Variants in JPH4 observed in about 807,000 individuals in gnomAD.
JPH4 encodes junctophilin 4.
Under a neutral mutation model 57.6 loss-of-function variants are expected in JPH4, and 18 were observed. The observed-to-expected ratio is 0.31, with a 90% CI of 0.22 to 0.46. JPH4 has a LOEUF of 0.46. Ranked by LOEUF, JPH4 falls within the 20% of genes least tolerant of loss-of-function variation. The probability of loss-of-function intolerance (pLI) is 1.00; values close to 1 mark genes in which losing one functional copy is unlikely to be tolerated. For synonymous variants in JPH4, 425 were observed against 406.6 expected (o/e 1.05, Z -0.54); for missense variants, 727 against 911.1 (o/e 0.80, Z 2.60).
rs775051519 is a variant in JPH4 at position 23,575,717 on chromosome 14, A to G, written c.1119T>C (p.Ala373=). ...CGGCGATCTCCTGGCGCTGACGGGC[A>G]GCACTCACGGCTCGACGGGCGCCCT... The part of the protein sequence containing the change: ...AVEGARRAVS[A]ARQRQEIAAA... Residue 373 remains alanine (A), a synonymous_variant, in exon 3 of 6, where the codon GCT becomes GCC. Coordinates refer to ENST00000356300, the MANE Select transcript of JPH4 (RefSeq NM_001146028.2). This position sits in a 1 kb window ranked among gnomAD's most constrained non-coding sequence, Gnocchi z 6.9. 1.3e-5 allele frequency: 21 copies of G among 1,606,768 alleles called. No individual in the cohort carries two copies. The highest frequency in any genetic ancestry group is 4.0e-5 in the African/African-American group (3 of 74,694).
At position 23,568,070 on chromosome 14, in the gene JPH4, T is replaced by G. The variant is rs1888845203; in HGVS notation, c.*1564A>C. 1 of 983,558 alleles carries G rather than the reference T, an allele frequency of 1.0e-6. No homozygotes were observed. The allele number at this position is 983,558 out of a possible 1,614,324, so 60.9% of individuals were successfully genotyped here. ...AACTTTTTTATTAATATATTTTTTT[T>G]GTTAAATTTCTTTGTATTTTTTTCC... On this transcript the variant is annotated 3_prime_UTR_variant, in exon 6 of 6. Coordinates refer to ENST00000356300, the MANE Select transcript of JPH4 (RefSeq NM_001146028.2).
chr14:23,576,662 A>G lies in JPH4; in HGVS notation c.380-206T>C, dbSNP rs939875732. ...GAGAGCAGAGTGAAGACGGGCAGGT[A>G]GCAGGAGCCCTACGTGGATTTTGGC... On this transcript the variant is annotated intron_variant, in intron 2 of 5. Transcript: ENST00000356300. This position sits in a 1 kb window ranked among gnomAD's most constrained non-coding sequence, Gnocchi z 8.0. Among the ~76,000 whole-genome samples the G allele has an allele frequency of 6.6e-6, 1 of 152,156 alleles. No homozygotes were observed. The highest frequency in any genetic ancestry group is 1.5e-5 in the Non-Finnish European group (1 of 68,022).
Position 23,568,473 on chromosome 14 carries a change from C to T in JPH4, c.*1161G>A. On this transcript the variant is annotated 3_prime_UTR_variant, in exon 6 of 6. Coordinates refer to ENST00000356300, the MANE Select transcript of JPH4 (RefSeq NM_001146028.2). ...TGTCACCCGGGTTTGACTCCCACCT[C>T]TGCCCTGCCTGGGAAGCATGTGAGA... 1.0e-6 allele frequency: 1 copy of T among 985,786 alleles called. No homozygotes were observed. The highest frequency in any genetic ancestry group is 1.2e-6 in the Non-Finnish European group (1 of 829,974). The allele number at this position is 985,786 out of a possible 1,614,324, so 61.1% of individuals were successfully genotyped here. A position where few individuals can be genotyped will look rare whatever the true frequency, so the allele number is the denominator to read the frequency against.
At position 23,576,524 on chromosome 14, in the gene JPH4, C is replaced by T. The variant is rs775690627; in HGVS notation, c.380-68G>A. 8.7e-5 allele frequency: 112 copies of T among 1,287,862 alleles called. No homozygotes were observed. The highest frequency in any genetic ancestry group is 1.1e-4 in the Non-Finnish European group (108 of 1,006,750). The allele number at this position is 1,287,862 out of a possible 1,614,324, so 79.8% of individuals were successfully genotyped here. A position where few individuals can be genotyped will look rare whatever the true frequency, so the allele number is the denominator to read the frequency against. On this transcript the variant is annotated intron_variant, in intron 2 of 5. Coordinates refer to ENST00000356300, the MANE Select transcript of JPH4 (RefSeq NM_001146028.2). The surrounding 1 kb of genome is among the most constrained non-coding windows in gnomAD (Gnocchi z 8.0). ...GCTGGGCTCCTTGCGCCCCAAGTCCCAAGCGCCCCTGGAAGCCCAAGCGTC... is the reference window on the plus strand; with the variant it reads ...GCTGGGCTCCTTGCGCCCCAAGTCCTAAGCGCCCCTGGAAGCCCAAGCGTC...
At position 23,577,482 on chromosome 14, in the gene JPH4, C is replaced by T. The variant is rs1345861905; in HGVS notation, c.-29G>A. 7.2e-7 allele frequency: 1 copy of T among 1,390,910 alleles called. No homozygotes were observed. Among genetic ancestry groups the T allele is most frequent in the Non-Finnish European group, 9.3e-7 (1 of 1,076,764 alleles). The allele number at this position is 1,390,910 out of a possible 1,614,324, so 86.2% of individuals were successfully genotyped here. On this transcript the variant is annotated 5_prime_UTR_variant, in exon 2 of 6. Transcript: ENST00000356300. The surrounding 1 kb of genome is among the most constrained non-coding windows in gnomAD (Gnocchi z 8.4). Reference sequence around the variant, plus strand: ...TGTAGTTGGCGCGGCCTCAGCCCCCCGGCGGCTCAGCGCATCCTGGGACTG... The same window carrying T: ...TGTAGTTGGCGCGGCCTCAGCCCCCTGGCGGCTCAGCGCATCCTGGGACTG...
Position 23,575,903 on chromosome 14 carries a change from G to A in JPH4, c.933C>T (p.Gly311=), listed in dbSNP as rs774093597. 3.2e-6 allele frequency: 5 copies of A among 1,573,476 alleles called. No individual in the cohort carries two copies. The East Asian group carries it at 1.1e-4, about 36-fold the overall frequency. The change falls in exon 3 of 6, where the codon GGC becomes GGT. Residue 311 remains glycine (G), a synonymous_variant. Transcript: ENST00000356300. The surrounding 1 kb of genome is among the most constrained non-coding windows in gnomAD (Gnocchi z 6.9). The stretch of plus-strand genomic sequence containing the variant: ...TGCGCCCGTAGCCGTGCCGCCGGTT[G>A]CCCAGCCACTCGCCCTCGTAGCGCA... ...NGLRYEGEWL[G]NRRHGYGRTT... is the part of the protein sequence containing the mutation.
chr14:23,569,862 G>T lies in JPH4; in HGVS notation c.1804-145C>A. 1.7e-6 allele frequency: 1 copy of T among 605,728 alleles called. No homozygotes were observed. 37.5% of individuals were successfully genotyped at this position (605,728 alleles called of 1,614,324 possible). A position where few individuals can be genotyped will look rare whatever the true frequency, so the allele number is the denominator to read the frequency against. ...GGATCGCCAACATTTGTTTTGGATT[G>T]CAAAACCCCCTCTTCTCCCAGGCAG... On this transcript the variant is annotated intron_variant, in intron 5 of 5. Transcript: ENST00000356300. The surrounding 1 kb of genome is among the most constrained non-coding windows in gnomAD (Gnocchi z 4.8).
In JPH4 at chr14:23,576,365, C is replaced by T. The variant is rs1595396035; in HGVS notation, c.471G>A (p.Ser157=). 24 of 1,338,604 alleles carry T rather than the reference C, an allele frequency of 1.8e-5. 1 individual carries two copies. The East Asian group carries it at 7.1e-4, about 40-fold the overall frequency. The allele number at this position is 1,338,604 out of a possible 1,614,324, so 82.9% of individuals were successfully genotyped here. A position where few individuals can be genotyped will look rare whatever the true frequency, so the allele number is the denominator to read the frequency against. Residue 157 remains serine, a synonymous_variant, in exon 3 of 6, where the codon TCG becomes TCA. Transcript: ENST00000356300. The surrounding 1 kb of genome is among the most constrained non-coding windows in gnomAD (Gnocchi z 8.0). ...CGGAATCCAGGGAGGTGCGGCGGGG[C>T]GAGCGCAGCAGCGCCGCCTGATGGT... ...VPYHQAALLR[S]PRRTSLDSGH... is the part of the protein sequence containing the mutation.
At chr14:23,574,227 T>C (rs1381571694) in intron 3 of JPH4, among the ~76,000 whole-genome samples, 3 of 151,406 alleles carry the variant, frequency 2.0e-5, no homozygotes, top group Non-Finnish European at 2.9e-5. Flanking sequence ...CAGGCTAGAG[T>C]GCAGTGGCGT....
In JPH4 at chr14:23,577,067, C is replaced by G; in HGVS notation, c.379+8G>C. ...AGCAGACAGACACTGGTGGGCCGGG[C>G]CCCGCACCTCCGTCGGAGTAGGTCT... On this transcript the variant is annotated splice_region_variant and intron_variant, in intron 2 of 5. Coordinates refer to ENST00000356300, the MANE Select transcript of JPH4 (RefSeq NM_001146028.2). The surrounding 1 kb of genome is among the most constrained non-coding windows in gnomAD (Gnocchi z 8.4). The G allele has an allele frequency of 6.6e-7, 1 of 1,516,126 alleles. No homozygotes were observed. The highest frequency in any genetic ancestry group is 1.7e-4 in the Middle Eastern group (1 of 5,756). The allele number at this position is 1,516,126 out of a possible 1,614,324, so 93.9% of individuals were successfully genotyped here. A position where few individuals can be genotyped will look rare whatever the true frequency, so the allele number is the denominator to read the frequency against.
rs572663157 is a variant in JPH4, at chr14:23,569,800, G to A, written c.1804-83C>T. ...CCCTGACTGAGGTGGCAGAGCTGAA[G>A]GGTCTCAGGCACCTCCCTGCACAGC... On this transcript the variant is annotated intron_variant, in intron 5 of 5. Coordinates refer to ENST00000356300, the MANE Select transcript of JPH4 (RefSeq NM_001146028.2). The surrounding 1 kb of genome is among the most constrained non-coding windows in gnomAD (Gnocchi z 4.8). The A allele has an allele frequency of 1.4e-5, 12 of 887,544 alleles. No homozygotes were observed. The African/African-American group carries it at 2.0e-4, about 15-fold the overall frequency. 55.0% of individuals were successfully genotyped at this position (887,544 alleles called of 1,614,324 possible).
At position 23,571,574 on chromosome 14, in the gene JPH4, C is replaced by G; in HGVS notation, c.1271-114G>C. 5 of 1,306,220 alleles carry G rather than the reference C, an allele frequency of 3.8e-6. No individual in the cohort carries two copies. The highest frequency in any genetic ancestry group is 5.3e-6 in the Non-Finnish European group (5 of 950,740). The allele number at this position is 1,306,220 out of a possible 1,614,324, so 80.9% of individuals were successfully genotyped here. ...GACTTTGGAATTCCCAGGCTCATAGCCTCTCACCGCCAGACCCCAAACCCC... is the reference window on the plus strand; with the variant it reads ...GACTTTGGAATTCCCAGGCTCATAGGCTCTCACCGCCAGACCCCAAACCCC... On this transcript the variant is annotated intron_variant, in intron 4 of 5. Transcript: ENST00000356300. The surrounding 1 kb of genome is among the most constrained non-coding windows in gnomAD (Gnocchi z 4.6).
In JPH4 at chr14:23,577,025, G is replaced by A. The variant is rs946281479; in HGVS notation, c.379+50C>T. On this transcript the variant is annotated intron_variant, in intron 2 of 5. Coordinates refer to ENST00000356300, the MANE Select transcript of JPH4 (RefSeq NM_001146028.2). This position sits in a 1 kb window ranked among gnomAD's most constrained non-coding sequence, Gnocchi z 8.4. The stretch of plus-strand genomic sequence containing the variant: ...TGGCGGGCGAAGGCCCAAGGCTGGG[G>A]AAGGCGCACGCGGACGAGCAGACAG... The A allele has an allele frequency of 1.4e-6, 2 of 1,447,462 alleles. No homozygotes were observed. Among genetic ancestry groups the A allele is most frequent in the Admixed American group, 2.5e-5 (1 of 40,018 alleles). The allele number at this position is 1,447,462 out of a possible 1,614,324, so 89.7% of individuals were successfully genotyped here. A position where few individuals can be genotyped will look rare whatever the true frequency, so the allele number is the denominator to read the frequency against.
Position 23,571,119 on chromosome 14 carries a change from T to C in JPH4, c.1612A>G (p.Ser538Gly). Residue 538 changes from serine (S) to glycine (G), a missense_variant, in exon 5 of 6, where the codon AGT becomes GGT. Ser to Gly is a moderately conservative substitution (Grantham distance 56, BLOSUM62 0). This residue lies in a region of JPH4 where 293 missense variants were observed against 279.8 expected (regional missense o/e 1.05). Transcript: ENST00000356300. This position sits in a 1 kb window ranked among gnomAD's most constrained non-coding sequence, Gnocchi z 4.6. ...TCCTCCTCTCGAAGACTTCCTGAAC[T>C]GTCGCTGCAGCCTCCGAGGAGTGGG... is the stretch of plus-strand genomic sequence containing the variant. ...GSPLLGGCSD[S>G]SGSLREEEGE... is the part of the protein sequence containing the mutation. 6.2e-7 allele frequency: 1 copy of C among 1,614,102 alleles called. No homozygotes were observed. The highest frequency in any genetic ancestry group is 8.5e-7 in the Non-Finnish European group (1 of 1,179,976).
chr14:23,568,620 G>A lies in JPH4; in HGVS notation c.*1014C>T. 1 of 985,904 alleles carries A rather than the reference G, an allele frequency of 1.0e-6. No homozygotes were observed. The highest frequency in any genetic ancestry group is 1.2e-6 in the Non-Finnish European group (1 of 829,954). The allele number at this position is 985,904 out of a possible 1,614,324, so 61.1% of individuals were successfully genotyped here. A position where few individuals can be genotyped will look rare whatever the true frequency, so the allele number is the denominator to read the frequency against. On this transcript the variant is annotated 3_prime_UTR_variant, in exon 6 of 6. Transcript: ENST00000356300. ...CTTGTCACAGCTTCTGCTTCCATGT[G>A]AGCTCCTGTTATCTTGTCTGGTCCT... is the stretch of plus-strand genomic sequence containing the variant.
Position 23,571,151 on chromosome 14 carries a change from T to A in JPH4, c.1580A>T (p.Asp527Val). Residue 527 changes from aspartate (D) to valine (V), a missense_variant, in exon 5 of 6, where the codon GAC becomes GTC. Physicochemically the swap from Asp to Val is radical, Grantham distance 152 (BLOSUM62 -3). Around this residue, in one of 7 missense-constraint regions of JPH4, gnomAD observed 293 missense variants for 279.8 expected, o/e 1.05. Coordinates refer to ENST00000356300, the MANE Select transcript of JPH4 (RefSeq NM_001146028.2). The surrounding 1 kb of genome is among the most constrained non-coding windows in gnomAD (Gnocchi z 4.6). ...GCAGCCTCCGAGGAGTGGGGAACCG[T>A]CTCTGGGCCCTGGCCCTTGCATCCC... is the stretch of plus-strand genomic sequence containing the variant. ...EAGMQGPGPRDGSPLLGGCSD... is the reference protein window; with the variant it reads ...EAGMQGPGPRVGSPLLGGCSD... The A allele has an allele frequency of 6.2e-7, 1 of 1,614,018 alleles. No homozygotes were observed. Among genetic ancestry groups the A allele is most frequent in the Non-Finnish European group, 8.5e-7 (1 of 1,179,988 alleles).
chr14:23,571,877 C>A lies in JPH4; in HGVS notation c.1195G>T (p.Ala399Ser). The change falls in exon 4 of 6, where the codon GCT becomes TCT. Residue 399 changes from alanine (A) to serine (S), a missense_variant. Around this residue, in one of 7 missense-constraint regions of JPH4, gnomAD observed 293 missense variants for 279.8 expected, o/e 1.05. Transcript: ENST00000356300. This position sits in a 1 kb window ranked among gnomAD's most constrained non-coding sequence, Gnocchi z 4.6. ...CGAGCTGCCTCCACGGCCTTCTCAG[C>A]GACACTGCTGGCTGCCACTGCCTTT... Reference protein sequence around the residue: ...LLKAVAASSVAEKAVEAARMA... With the variant: ...LLKAVAASSVSEKAVEAARMA... The A allele has an allele frequency of 3.1e-6, 5 of 1,612,942 alleles. No homozygotes were observed. Among genetic ancestry groups the A allele is most frequent in the South Asian group, 2.2e-5 (2 of 91,084 alleles).
Position 23,573,803 on chromosome 14 carries a change from C to T in JPH4, c.1151+1882G>A, listed in dbSNP as rs1595394641. Among the ~76,000 whole-genome samples the T allele has an allele frequency of 2.0e-5, 3 of 152,278 alleles. No individual in the cohort carries two copies. In the South Asian group the frequency reaches 6.2e-4, roughly 32 times the overall value. ...CTAGCCTAAAATGTTCCCTGGTGCT[C>T]TGCCTTCCCCCTTCCCTGGCTTAAG... On this transcript the variant is annotated intron_variant, in intron 3 of 5. Coordinates refer to ENST00000356300, the MANE Select transcript of JPH4 (RefSeq NM_001146028.2).
Position 23,577,143 on chromosome 14 carries a change from A to T in JPH4, c.311T>A (p.Leu104Gln). The change falls in exon 2 of 6, where the codon CTG (leucine) becomes CAG (glutamine). Residue 104 changes from leucine (L) to glutamine (Q), a missense_variant. Physicochemically the swap from Leu to Gln is moderately radical, Grantham distance 113. This residue lies in a region of JPH4 where 90 missense variants were observed against 88.1 expected (regional missense o/e 1.02). Transcript: ENST00000356300. The surrounding 1 kb of genome is among the most constrained non-coding windows in gnomAD (Gnocchi z 8.4). ...GTCCTTCCAGAGCCCGGCGTAGCGCAGGCCGGACACGCTTTCCCACACGCC... is the reference window on the plus strand; with the variant it reads ...GTCCTTCCAGAGCCCGGCGTAGCGCTGGCCGGACACGCTTTCCCACACGCC... ...RSGVWESVSG[L>Q]RYAGLWKDGF... is the part of the protein sequence containing the mutation. 6.5e-7 allele frequency: 1 copy of T among 1,546,000 alleles called. No individual in the cohort carries two copies. The highest frequency in any genetic ancestry group is 1.2e-5 in the South Asian group (1 of 84,194).
Sources: allele counts gnomAD v4.1 joint callset (sites outside exome capture counted in the v4.1 genomes callset), GRCh38; gene constraint gnomAD v4.1.1; regional missense constraint gnomAD v4.1.1; non-coding constraint Gnocchi (gnomAD v3.1); transcripts MANE v1.5; gene names NCBI Gene and HGNC (gene_info 2026-07-23, HGNC 2026-07-21).